IL1RAPL1: variants seen among roughly 807,000 people sequenced by gnomAD.
IL1RAPL1 encodes the protein interleukin-1 receptor accessory protein-like 1.
A neutral mutation model predicts 48.4 loss-of-function variants in IL1RAPL1; 3 were observed. The ratio of observed to expected loss-of-function variants is 0.06; its 90% confidence interval spans 0.03 to 0.16. The LOEUF is 0.16. IL1RAPL1 is among the 10% of genes least tolerant of loss of function. The probability of loss-of-function intolerance (pLI) is 1.00; values close to 1 mark genes in which losing one functional copy is unlikely to be tolerated. For missense variants in IL1RAPL1, 349 were observed against 530.6 expected (o/e 0.66, Z 3.36); for synonymous variants, 185 against 187.7 (o/e 0.99, Z 0.12).
In IL1RAPL1 at chrX:28,587,617, A is replaced by G. The variant is rs1346107335; in HGVS notation, c.-455A>G. On this transcript the variant is annotated 5_prime_UTR_variant, in exon 1 of 11. Transcript: ENST00000378993. ...TGCAAGCAACACTCCAATTCTTGTC[A>G]TAGAGCTCGCAGACTTCTCACTTAT... The G allele has an allele frequency of 9.0e-6, 1 of 111,164 alleles. No homozygotes were observed. Among genetic ancestry groups the G allele is most frequent in the Non-Finnish European group, 1.9e-5 (1 of 53,008 alleles). The allele number at this position is 111,164 out of a possible 1,213,427, so 9.2% of individuals were successfully genotyped here.
At chrX:29,268,789 C>T (rs1931995860) in intron 2 of IL1RAPL1, among the ~76,000 whole-genome samples, 1 of 112,100 alleles carries the variant, frequency 8.9e-6, no homozygotes, top group South Asian at 3.7e-4. Flanking sequence ...ATACAACAGG[C>T]ACCTTGTAAA....
At chrX:28,745,413 T>G (rs1418125988) in intron 1 of IL1RAPL1, among the ~76,000 whole-genome samples, 1 of 111,904 alleles carries the variant, frequency 8.9e-6, no homozygotes, top group Non-Finnish European at 1.9e-5. Context: ...ATTGACTTGT[T>G]GGCTCATGGT....
intron 2 of IL1RAPL1, among the ~76,000 whole-genome samples, chrX:29,247,262 G>C (rs1931531285): frequency 9.0e-6 from 1 of 111,420 alleles, no homozygotes; most frequent in South Asian, 3.7e-4. Context: ...ATACAAAAGA[G>C]GTATGTTTAT....
intron 3 of IL1RAPL1, among the ~76,000 whole-genome samples, chrX:29,350,255 C>G (rs945746651): frequency 2.5e-5 from 2 of 81,294 alleles, no homozygotes; most frequent in Middle Eastern, 5.9e-3. Flanking sequence ...TGGATACACC[C>G]CCCCCCCCAC....
At chrX:29,830,671 T>G (rs1485037503) in intron 6 of IL1RAPL1, among the ~76,000 whole-genome samples, 1 of 110,698 alleles carries the variant, frequency 9.0e-6, no homozygotes, top group African/African-American at 3.3e-5. Context: ...CAGCCTTGTC[T>G]CGAACTCCTG....
At chrX:29,028,533 G>A (rs376716868) in intron 2 of IL1RAPL1, among the ~76,000 whole-genome samples, 8 of 110,502 alleles carry the variant, frequency 7.2e-5, no homozygotes, top group South Asian at 3.8e-4. Flanking sequence ...TGATCCACCC[G>A]CCTCAGCCTC....
intron 6 of IL1RAPL1, among the ~76,000 whole-genome samples, chrX:29,791,670 C>T (rs1181450136): frequency 9.3e-6 from 1 of 107,329 alleles, no homozygotes; most frequent in Non-Finnish European, 1.9e-5. Context: ...GTGATCCACC[C>T]GCCTTGGCCT....
chrX:28,626,396 TTC>T (rs768474219), intron 1 of IL1RAPL1, among the ~76,000 whole-genome samples: 213 of 112,248 alleles, frequency 1.9e-3, no homozygotes, highest in Middle Eastern at 9.2e-3. Flanking sequence ...AACTTTCTTT[TTC>T]TCTCTTTTTT....
intron 3 of IL1RAPL1, among the ~76,000 whole-genome samples, chrX:29,366,584 T>G (rs1933460669): frequency 1.6e-5 from 1 of 63,788 alleles, no homozygotes; most frequent in African/African-American, 4.9e-5. Flanking sequence ...TTTTTTTTTT[T>G]TTGAGACAGA....
At chrX:29,113,104 C>T (rs750275765) in intron 2 of IL1RAPL1, among the ~76,000 whole-genome samples, 92 of 111,744 alleles carry the variant, frequency 8.2e-4, no homozygotes, top group African/African-American at 3.0e-3. Flanking sequence ...AGCCACCGTG[C>T]CCAGTCAGCA....
chrX:29,428,979 AT>A (rs1430905759), intron 5 of IL1RAPL1, among the ~76,000 whole-genome samples: 1 of 111,968 alleles, frequency 8.9e-6, no homozygotes, highest in African/African-American at 3.2e-5. Context: ...CAACCACACC[AT>A]ATACATTCAC....
intron 5 of IL1RAPL1, among the ~76,000 whole-genome samples, chrX:29,515,145 G>C (rs1457617599): frequency 1.8e-5 from 2 of 112,256 alleles, no homozygotes; most frequent in Non-Finnish European, 3.8e-5. Context: ...TGTTTTGGAT[G>C]TATTCATTAA....
chrX:29,523,490 T>C (rs1319595060), intron 5 of IL1RAPL1, among the ~76,000 whole-genome samples: 4 of 111,825 alleles, frequency 3.6e-5, no homozygotes, highest in Admixed American at 9.5e-5. Flanking sequence ...ATAAAATTAA[T>C]TTCCAAATAG....
chrX:29,491,413 A>G (rs1383979081), intron 5 of IL1RAPL1, among the ~76,000 whole-genome samples: 5 of 112,725 alleles, frequency 4.4e-5, no homozygotes, highest in Non-Finnish European at 7.5e-5. Context: ...CTACTTCAGT[A>G]TATGTCACCA....
intron 2 of IL1RAPL1, among the ~76,000 whole-genome samples, chrX:28,975,537 A>G (rs1925184366): frequency 8.9e-6 from 1 of 111,905 alleles, no homozygotes; most frequent in Non-Finnish European, 1.9e-5. Context: ...GGAAAATTAG[A>G]AGTAAAAAAA....
At chrX:29,908,528 T>C (rs1932692734) in intron 6 of IL1RAPL1, among the ~76,000 whole-genome samples, 1 of 110,660 alleles carries the variant, frequency 9.0e-6, no homozygotes, top group Non-Finnish European at 1.9e-5. Flanking sequence ...TCCAAATATA[T>C]TGAAAAAAAT....
intron 1 of IL1RAPL1, among the ~76,000 whole-genome samples, chrX:28,719,386 A>C (rs972483153): frequency 1.8e-5 from 2 of 111,360 alleles, no homozygotes; most frequent in Admixed American, 1.9e-4. Flanking sequence ...AGCATCTATT[A>C]TGTGTTAGGG....
intron 2 of IL1RAPL1, among the ~76,000 whole-genome samples, chrX:29,174,671 G>GA (rs11421924): frequency 0.46 from 50,611 of 109,686 alleles, 8,896 homozygotes; most frequent in Non-Finnish European, 0.55. Context: ...GTAAAGTACA[G>GA]AAAAAAAACT....
chrX:29,904,887 C>T (rs1324894026), intron 6 of IL1RAPL1, among the ~76,000 whole-genome samples: 1 of 111,819 alleles, frequency 8.9e-6, no homozygotes, highest in African/African-American at 3.3e-5. Context: ...GGTGTATACC[C>T]AGTAATGGGA....
Sources: allele counts gnomAD v4.1 joint callset (sites outside exome capture counted in the v4.1 genomes callset), GRCh38; gene constraint gnomAD v4.1.1; transcripts MANE v1.5; gene names NCBI Gene and HGNC (gene_info 2026-07-23, HGNC 2026-07-21).